Variants in ESYT2 observed in about 807,000 individuals in gnomAD.
ESYT2 encodes extended synaptotagmin 2.
ESYT2 carries 54 observed loss-of-function variants against 107.2 expected under a neutral mutation model. The observed-to-expected ratio is 0.50, with a 90% confidence interval of 0.40 to 0.63. The LOEUF is 0.63. Ranked by LOEUF, ESYT2 falls within the 30% of genes least tolerant of loss-of-function variation. The probability of loss-of-function intolerance (pLI) is 0.00; values close to 1 mark genes in which losing one functional copy is unlikely to be tolerated. For missense variants in ESYT2, 1,020 were observed against 1,094.5 expected, an observed-to-expected ratio of 0.93 and a Z score of 0.96; for synonymous variants, 491 against 434.1, an observed-to-expected ratio of 1.13 and a Z score of -1.63.
chr7:158,775,901 A>G (rs1838545849), intron 6 of ESYT2, among the ~76,000 whole-genome samples: 1 of 152,204 alleles, frequency 6.6e-6, no homozygotes, highest in African/African-American at 2.4e-5. Flanking sequence ...TCGTCTTACA[A>G]AAAGTATTCC....
intron 16 of ESYT2, among the ~76,000 whole-genome samples, chr7:158,744,980 A>G (rs1287965081): frequency 6.6e-6 from 1 of 152,216 alleles, no homozygotes; most frequent in Non-Finnish European, 1.5e-5. Context: ...AGAATACAGA[A>G]GTGCACTTTA....
At chr7:158,737,429 C>T (rs953302327) in intron 19 of ESYT2, among the ~76,000 whole-genome samples, 3 of 152,260 alleles carry the variant, frequency 2.0e-5, no homozygotes, top group Admixed American at 1.3e-4. Flanking sequence ...GTTTGGAGGA[C>T]GTTCCAAGTC....
At chr7:158,806,888 G>A (rs117659155) in intron 1 of ESYT2, among the ~76,000 whole-genome samples, 1,987 of 151,982 alleles carry the variant, frequency 0.013, 20 homozygotes, top group South Asian at 0.03. Context: ...AAATATACAC[G>A]CTTATGTTTT....
chr7:158,793,762 G>T (rs772150608), intron 3 of ESYT2, 36 bp from the exon 4 acceptor site: 18 of 1,515,078 alleles, frequency 1.2e-5, no homozygotes, highest in Middle Eastern at 1.8e-4. Flanking sequence ...AGATACAGAG[G>T]TTAAAAAAAA....
intron 1 of ESYT2, among the ~76,000 whole-genome samples, chr7:158,806,887 C>T (rs756465596): frequency 5.3e-5 from 8 of 151,958 alleles, no homozygotes; most frequent in African/African-American, 1.9e-4. Flanking sequence ...CAAATATACA[C>T]GCTTATGTTT....
intron 16 of ESYT2, among the ~76,000 whole-genome samples, chr7:158,745,250 G>A (rs981816058): frequency 1.2e-5 from 1 of 80,774 alleles, no homozygotes; most frequent in East Asian, 2.2e-4. Flanking sequence ...AGGTCTCCTA[G>A]GCCCGGCTGT....
chr7:158,807,311 C>A (rs1584875350), intron 1 of ESYT2, among the ~76,000 whole-genome samples: 1 of 147,704 alleles, frequency 6.8e-6, no homozygotes, highest in Middle Eastern at 3.7e-3. Flanking sequence ...AATCTATCTA[C>A]ATGGATTCAG....
At chr7:158,767,959 T>C (rs1838220379) in intron 7 of ESYT2, among the ~76,000 whole-genome samples, 185 bp from the exon 8 acceptor site, 1 of 152,234 alleles carries the variant, frequency 6.6e-6, no homozygotes, top group Non-Finnish European at 1.5e-5. Flanking sequence ...GATACCACTA[T>C]GGTGACTATG....
At chr7:158,808,667 G>A (rs1839902603) in intron 1 of ESYT2, among the ~76,000 whole-genome samples, 1 of 152,104 alleles carries the variant, frequency 6.6e-6, no homozygotes, top group Non-Finnish European at 1.5e-5. Context: ...TTTGTGGCTG[G>A]GGCCTGGCAC....
chr7:158,789,027 A>T (rs972552005), intron 4 of ESYT2, among the ~76,000 whole-genome samples: 1 of 152,234 alleles, frequency 6.6e-6, no homozygotes, highest in Non-Finnish European at 1.5e-5. Flanking sequence ...TAATATAAAC[A>T]TGAAATGTCA....
At chr7:158,782,096 AACG>A (rs1175413771) in intron 6 of ESYT2, among the ~76,000 whole-genome samples, 1 of 151,554 alleles carries the variant, frequency 6.6e-6, no homozygotes, top group Non-Finnish European at 1.5e-5. Context: ...AATGTGAGTG[AACG>A]ACAACAAAGT....
intron 13 of ESYT2, among the ~76,000 whole-genome samples, chr7:158,755,822 T>A (rs1046877563): frequency 3.3e-5 from 5 of 151,774 alleles, no homozygotes; most frequent in Non-Finnish European, 5.9e-5. Context: ...TCCAATGAGA[T>A]CACTTGGACA....
At chr7:158,760,767 G>C (rs1486397178) in intron 11 of ESYT2, among the ~76,000 whole-genome samples, 2 of 152,124 alleles carry the variant, frequency 1.3e-5, no homozygotes, top group African/African-American at 4.8e-5. Flanking sequence ...CAGCTTAAAA[G>C]TCACAAAATA....
intron 15 of ESYT2, among the ~76,000 whole-genome samples, chr7:158,748,846 A>G (rs1465012332): frequency 6.6e-6 from 1 of 151,886 alleles, no homozygotes; most frequent in Admixed American, 6.6e-5. Flanking sequence ...CAGCCTCCCA[A>G]GTAGCTGGGA....
At chr7:158,779,929 C>G (rs887820666) in intron 6 of ESYT2, among the ~76,000 whole-genome samples, 2 of 152,212 alleles carry the variant, frequency 1.3e-5, no homozygotes, top group African/African-American at 4.8e-5. Context: ...AATTACAAGA[C>G]ACTTAAGTGG....
chr7:158,814,858 T>C (rs1840105631), intron 1 of ESYT2, among the ~76,000 whole-genome samples: 1 of 152,134 alleles, frequency 6.6e-6, no homozygotes, highest in Non-Finnish European at 1.5e-5. Context: ...AGAGCGGAAA[T>C]GACATGCAAT....
Position 158,786,562 on chromosome 7 carries a change from T to A in ESYT2, c.747+1442A>T, listed in dbSNP as rs76163423. On this transcript the variant is annotated intron_variant, in intron 6 of 22. Transcript: ENST00000275418. ...CATGTTTCGTGTACTTAAAATCGAT[T>A]CAAAATAAGCCCATTCTTTCAGTAA... Among the ~76,000 whole-genome samples, 34 of 152,320 alleles carry A rather than the reference T, an allele frequency of 2.2e-4. 1 individual carries two copies. Among genetic ancestry groups the A allele is most frequent in the South Asian group, 1.9e-3 (9 of 4,826 alleles).
At chr7:158,771,078 T>C (rs547576872) in intron 7 of ESYT2, among the ~76,000 whole-genome samples, 1 of 152,224 alleles carries the variant, frequency 6.6e-6, no homozygotes, top group Non-Finnish European at 1.5e-5. Flanking sequence ...GAGCTATACA[T>C]GTATATTTAT....
At chr7:158,801,860 A>G (rs1839657713) in intron 1 of ESYT2, among the ~76,000 whole-genome samples, 1 of 152,216 alleles carries the variant, frequency 6.6e-6, no homozygotes, top group Non-Finnish European at 1.5e-5. Context: ...TGTTTTGTTT[A>G]GAAAAATTAA....
Sources: allele counts gnomAD v4.1 joint callset (sites outside exome capture counted in the v4.1 genomes callset), GRCh38; gene constraint gnomAD v4.1.1; transcripts MANE v1.5; gene names NCBI Gene and HGNC (gene_info 2026-07-23, HGNC 2026-07-21).